The following MNAT1 variants were observed in gnomAD, a reference collection of about 807,000 sequenced individuals.
MNAT1 encodes the protein CDK-activating kinase assembly factor MAT1.
Under a neutral mutation model 42.0 loss-of-function variants are expected in MNAT1, and 43 were observed. The observed-to-expected ratio is 1.02, with a 90% confidence interval of 0.80 to 1.32. The LOEUF (loss-of-function observed/expected upper bound fraction) is 1.32. Ranked by LOEUF, MNAT1 falls within the 40% of genes most tolerant of loss-of-function variation. The probability of loss-of-function intolerance (pLI) is 0.00; values close to 1 mark genes in which losing one functional copy is unlikely to be tolerated. For synonymous variants in MNAT1, 118 were observed against 120.0 expected (o/e 0.98, Z 0.11); for missense variants, 306 against 350.4 (o/e 0.87, Z 1.01).
At chr14:60,934,494 C>T (rs1292628183) in intron 7 of MNAT1, among the ~76,000 whole-genome samples, 1 of 152,034 alleles carries the variant, frequency 6.6e-6, no homozygotes, top group Admixed American at 6.6e-5. Context: ...GGGGGCGGGT[C>T]TTTTCCATGC....
chr14:60,887,695 C>T (rs1317550745), intron 7 of MNAT1, among the ~76,000 whole-genome samples: 3 of 151,222 alleles, frequency 2.0e-5, no homozygotes, highest in South Asian at 2.1e-4. Flanking sequence ...ATTGATAGAC[C>T]GCTAGCAAGA....
At chr14:60,828,532 G>GT (rs751114934) in intron 6 of MNAT1, among the ~76,000 whole-genome samples, 3,811 of 141,548 alleles carry the variant, frequency 0.027, 124 homozygotes, top group African/African-American at 0.079. Context: ...ACCAAAATGT[G>GT]TTTTTTTTTT....
intron 6 of MNAT1, among the ~76,000 whole-genome samples, chr14:60,838,444 T>C (rs1335277570): frequency 6.6e-6 from 1 of 152,220 alleles, no homozygotes; most frequent in Non-Finnish European, 1.5e-5. Context: ...GATTTTTTTT[T>C]CCTATTAGTC....
intron 7 of MNAT1, among the ~76,000 whole-genome samples, chr14:60,920,508 C>T (rs2035634802): frequency 6.6e-6 from 1 of 152,140 alleles, no homozygotes; most frequent in African/African-American, 2.4e-5. Context: ...CAACCTCTGC[C>T]TCCTGGGTGC....
At chr14:60,876,729 C>A (rs1488745361) in intron 6 of MNAT1, among the ~76,000 whole-genome samples, 2 of 152,016 alleles carry the variant, frequency 1.3e-5, no homozygotes, top group Non-Finnish European at 2.9e-5. Flanking sequence ...TCAGGTCCAT[C>A]CATGTTGTCA....
At chr14:60,772,501 C>G (rs1249378794) in intron 1 of MNAT1, among the ~76,000 whole-genome samples, 1 of 151,236 alleles carries the variant, frequency 6.6e-6, no homozygotes, top group East Asian at 1.9e-4. Flanking sequence ...GAGGCTGACA[C>G]AGGAGAATTG....
chr14:60,768,411 T>C (rs1415055932), intron 1 of MNAT1, among the ~76,000 whole-genome samples: 2 of 152,220 alleles, frequency 1.3e-5, no homozygotes, highest in East Asian at 1.9e-4. Flanking sequence ...TTCTTAAAAG[T>C]TTTGTTTTGG....
intron 7 of MNAT1, among the ~76,000 whole-genome samples, chr14:60,893,907 G>A (rs1041662993): frequency 3.3e-5 from 5 of 152,116 alleles, no homozygotes; most frequent in Admixed American, 6.6e-5. Flanking sequence ...GTCATAGGAG[G>A]ACCTGTGTGC....
rs1896432225 is a variant in MNAT1, at chr14:60,740,470, A to G, written c.89+5519A>G. 1.3e-5 allele frequency among the ~76,000 whole-genome samples: 2 copies of G among 151,992 alleles called. No individual in the cohort carries two copies. The highest frequency in any genetic ancestry group is 2.4e-5 in the African/African-American group (1 of 41,374). On this transcript the variant is annotated intron_variant, in intron 1 of 7. Coordinates refer to ENST00000261245, the MANE Select transcript of MNAT1 (RefSeq NM_002431.4). The surrounding 1 kb of genome is among the most constrained non-coding windows in gnomAD (Gnocchi z 4.1). ...TTGTTAAATATGTTCTTCTGTTCTC[A>G]GTATTTCCTCTAAATTGTTAGTTAT...
In MNAT1 at chr14:60,818,838, C is replaced by T. The variant is rs551271178; in HGVS notation, c.678C>T (p.Gly226=). The T allele has an allele frequency of 1.2e-6, 2 of 1,611,502 alleles. No homozygotes were observed. The highest frequency in any genetic ancestry group is 1.3e-5 in the African/African-American group (1 of 74,920). Residue 226 remains glycine, a synonymous_variant, in exon 6 of 8, where the codon GGC becomes GGT. Transcript: ENST00000261245. The part of the protein sequence containing the change: ...KPVKPVTFST[G]IKMGQHISLA... ...TAAAACCAGTGACGTTTTCCACAGG[C>T]ATCAAAATGGTAAGCCTTATTTTAA...
intron 1 of MNAT1, among the ~76,000 whole-genome samples, chr14:60,781,079 A>G (rs894357941): frequency 4.1e-4 from 63 of 152,310 alleles, no homozygotes; most frequent in African/African-American, 1.5e-3. Context: ...GCTCCTTTTG[A>G]CCTTCATTTC....
intron 3 of MNAT1, among the ~76,000 whole-genome samples, chr14:60,806,031 C>T (rs35561570): frequency 0.012 from 1,818 of 152,250 alleles, 14 homozygotes; most frequent in Non-Finnish European, 0.021. Context: ...CAGATCTGCA[C>T]CAGCATTTTA....
At chr14:60,960,723 C>T (rs775980891) in intron 7 of MNAT1, among the ~76,000 whole-genome samples, 10 of 151,630 alleles carry the variant, frequency 6.6e-5, no homozygotes, top group Non-Finnish European at 1.3e-4. Context: ...CTTTCTCCTT[C>T]CCACCCTCAT....
At chr14:60,896,058 T>A (rs1412788214) in intron 7 of MNAT1, among the ~76,000 whole-genome samples, 1 of 152,232 alleles carries the variant, frequency 6.6e-6, no homozygotes, top group Non-Finnish European at 1.5e-5. Context: ...TTGAGATTTT[T>A]AGGTGATTGT....
At chr14:60,967,632 T>C (rs1484129423) in intron 7 of MNAT1, among the ~76,000 whole-genome samples, 2 of 152,224 alleles carry the variant, frequency 1.3e-5, no homozygotes, top group East Asian at 3.8e-4. Flanking sequence ...CTGTATTTAC[T>C]TTTTCAGACA....
At chr14:60,902,659 GATTGT>G (rs2035094797) in intron 7 of MNAT1, among the ~76,000 whole-genome samples, 1 of 152,050 alleles carries the variant, frequency 6.6e-6, no homozygotes, top group Non-Finnish European at 1.5e-5. Flanking sequence ...ATCCTTTTGG[GATTGT>G]ACCTGGAATT....
rs541766661 is a variant in MNAT1, at chr14:60,892,281, C to T, written c.809+12446C>T. ...CTTTAACTATTATTGTAAAACTCTC[C>T]CTTTGGTTCATATGTTTTGATGGTC... is the stretch of plus-strand genomic sequence containing the variant. On this transcript the variant is annotated intron_variant, in intron 7 of 7. Transcript: ENST00000261245. 2.6e-5 allele frequency among the ~76,000 whole-genome samples: 4 copies of T among 152,016 alleles called. No homozygotes were observed. The South Asian group carries it at 8.3e-4, about 32-fold the overall frequency.
intron 7 of MNAT1, among the ~76,000 whole-genome samples, chr14:60,953,387 G>C (rs989406513): frequency 6.6e-6 from 1 of 152,082 alleles, no homozygotes; most frequent in Non-Finnish European, 1.5e-5. Context: ...TAGAGGTACA[G>C]TAAAAGGGGA....
intron 3 of MNAT1, among the ~76,000 whole-genome samples, chr14:60,801,709 C>T (rs1231459874): frequency 1.3e-5 from 2 of 152,052 alleles, no homozygotes; most frequent in Non-Finnish European, 2.9e-5. Context: ...AAAAGGGAAT[C>T]CTTGTATGCT....
Sources: gnomAD v4.1 joint callset for allele counts (sites outside exome capture counted in the v4.1 genomes callset) on GRCh38, gnomAD v4.1.1 for gene constraint, Gnocchi (gnomAD v3.1) non-coding constraint, MANE v1.5 for transcripts, NCBI Gene and HGNC (gene_info 2026-07-23, HGNC 2026-07-21) for gene names.